DHX32: variants seen among roughly 807,000 people sequenced by gnomAD.
DHX32 encodes the protein DEAH-box helicase 32 (putative), also known as putative pre-mRNA-splicing factor ATP-dependent RNA helicase DHX32.
In DHX32, 51 loss-of-function variants were observed where a neutral mutation model predicts 70.0. That is an observed-to-expected ratio of 0.73 (90% confidence interval 0.58 to 0.92). The LOEUF is 0.92. Among genes scored for constraint, DHX32 ranks in the 40% least tolerant of loss-of-function variants. The pLI is 0.00. For synonymous variants in DHX32, 310 were observed against 315.3 expected (o/e 0.98, Z 0.18); for missense variants, 762 against 891.8 (o/e 0.85, Z 1.85).
chr10:125,855,237 GAAATT>G (rs1448279204), intron 3 of DHX32, among the ~76,000 whole-genome samples: 2 of 147,436 alleles, frequency 1.4e-5, no homozygotes, highest in Admixed American at 6.8e-5. Flanking sequence ...AAAAAAAAAA[GAAATT>G]AAAAGGAAAA....
intron 1 of DHX32, among the ~76,000 whole-genome samples, chr10:125,872,137 C>T (rs984367835): frequency 6.6e-6 from 1 of 152,192 alleles, no homozygotes; most frequent in Non-Finnish European, 1.5e-5. Context: ...GCTGGGATTA[C>T]AGGTGTGAGC....
At chr10:125,845,112 G>C (rs1477761486) in intron 6 of DHX32, among the ~76,000 whole-genome samples, 1 of 152,212 alleles carries the variant, frequency 6.6e-6, no homozygotes, top group Non-Finnish European at 1.5e-5. Flanking sequence ...CTAACTCCAA[G>C]CTGAGCACAG....
At chr10:125,874,600 G>C (rs1157790399) in intron 1 of DHX32, among the ~76,000 whole-genome samples, 1 of 152,172 alleles carries the variant, frequency 6.6e-6, no homozygotes, top group Non-Finnish European at 1.5e-5. Context: ...TTGTTCTTTT[G>C]AGTATCTTTA....
chr10:125,843,405 T>C (rs1854934143), intron 6 of DHX32, among the ~76,000 whole-genome samples: 1 of 152,006 alleles, frequency 6.6e-6, no homozygotes, highest in South Asian at 2.1e-4. Context: ...GGTCAGGAGA[T>C]TGAGACCATC....
At position 125,853,139 on chromosome 10, in the gene DHX32, C is replaced by T. The variant is rs148905052; in HGVS notation, c.1093-497G>A. 2.5e-6 allele frequency: 4 copies of T among 1,609,278 alleles called. No individual in the cohort carries two copies. In the East Asian group the frequency reaches 6.7e-5, roughly 27 times the overall value. On this transcript the variant is annotated intron_variant, in intron 4 of 10. Coordinates refer to ENST00000284690, the MANE Select transcript of DHX32 (RefSeq NM_018180.3). ...TTTCCTTACAGGTGGTTCACGGGGG[C>T]AAGTGACAGCCCTGGTTTCTCTGAA...
intron 3 of DHX32, among the ~76,000 whole-genome samples, chr10:125,856,664 G>A (rs1310776957): frequency 6.6e-6 from 1 of 152,150 alleles, no homozygotes; most frequent in Non-Finnish European, 1.5e-5. Context: ...AAAATGGCAG[G>A]GCTGGGTGCA....
At chr10:125,867,247 T>C in intron 1 of DHX32, 64 bp from the exon 2 acceptor site, 1 of 1,377,098 alleles carries the variant, frequency 7.3e-7, no homozygotes, top group Non-Finnish European at 9.9e-7. Context: ...GACATCTCTG[T>C]CTTACAGCAG....
chr10:125,875,055 T>TA (rs903477159), intron 1 of DHX32, among the ~76,000 whole-genome samples: 2 of 151,742 alleles, frequency 1.3e-5, no homozygotes, highest in Non-Finnish European at 2.9e-5. Flanking sequence ...CCCGTCTCTA[T>TA]AAAAAATACA....
At position 125,866,596 on chromosome 10, in the gene DHX32, A is replaced by G. The variant is rs1038225500; in HGVS notation, c.476+394T>C. ...GAACTAGCCGGGCCCGGACATGCTG[A>G]GCACAGGGAGGGGCAGGTGTACAGG... On this transcript the variant is annotated intron_variant, in intron 2 of 10. Transcript: ENST00000284690. This position sits in a 1 kb window ranked among gnomAD's most constrained non-coding sequence, Gnocchi z 4.8. 1.3e-5 allele frequency among the ~76,000 whole-genome samples: 2 copies of G among 152,180 alleles called. No individual in the cohort carries two copies. The highest frequency in any genetic ancestry group is 2.9e-5 in the Non-Finnish European group (2 of 68,032).
At chr10:125,893,718 A>T (rs1944385259) in intron 1 of DHX32, among the ~76,000 whole-genome samples, 1 of 152,282 alleles carries the variant, frequency 6.6e-6, no homozygotes, top group South Asian at 2.1e-4. Context: ...AAAGTATCAG[A>T]TAGAGAAAAA....
At chr10:125,865,306 T>C (rs940152797) in intron 2 of DHX32, among the ~76,000 whole-genome samples, 3 of 152,184 alleles carry the variant, frequency 2.0e-5, no homozygotes, top group African/African-American at 7.2e-5. Context: ...ACCACTCACG[T>C]ACAATTTACA....
chr10:125,842,926 C>T (rs1854921364), intron 6 of DHX32: 2 of 372,358 alleles, frequency 5.4e-6, no homozygotes, highest in South Asian at 1.1e-4. Flanking sequence ...AATATATTCT[C>T]TTTGTGGAAT....
chr10:125,849,518 C>T (rs923933756), intron 6 of DHX32, among the ~76,000 whole-genome samples: 1 of 152,186 alleles, frequency 6.6e-6, no homozygotes, highest in African/African-American at 2.4e-5. Context: ...TTTGTGTAGC[C>T]TTTAAACAGA....
Position 125,859,714 on chromosome 10 carries a change from C to A in DHX32, c.738G>T (p.Val246=). The change falls in exon 3 of 11, where the codon GTG becomes GTT. Residue 246 remains valine (V), a synonymous_variant. Transcript: ENST00000284690. ...AATCCTTTTGAGCCTCACTAAGGTA[C>A]ACAACCTCCACAGGGTGTTTATTTT... ...EVKNKHPVEV[V]YLSEAQKDSF... is the part of the protein sequence containing the mutation. 1 of 1,614,072 alleles carries A rather than the reference C, an allele frequency of 6.2e-7. No individual in the cohort carries two copies. The highest frequency in any genetic ancestry group is 8.5e-7 in the Non-Finnish European group (1 of 1,180,010).
chr10:125,853,931 A>T (rs779378261), intron 4 of DHX32, 30 bp downstream of exon 4: 2 of 1,597,220 alleles, frequency 1.3e-6, no homozygotes, highest in Non-Finnish European at 1.7e-6. Flanking sequence ...AACGATCAGC[A>T]GTCTGTTTAG....
intron 2 of DHX32, among the ~76,000 whole-genome samples, chr10:125,864,921 C>G: frequency 1.3e-5 from 1 of 77,478 alleles, no homozygotes; most frequent in Non-Finnish European, 2.3e-5. Context: ...CAGAGTGGGA[C>G]TCTGTCTCAA....
intron 1 of DHX32, among the ~76,000 whole-genome samples, chr10:125,888,103 T>C (rs1944349760): frequency 1.3e-5 from 2 of 152,298 alleles, no homozygotes; most frequent in South Asian, 4.1e-4. Flanking sequence ...CTATATAATA[T>C]ACATATTTAT....
intron 1 of DHX32, among the ~76,000 whole-genome samples, chr10:125,879,058 C>G (rs988325494): frequency 2.8e-5 from 3 of 108,606 alleles, no homozygotes; most frequent in Admixed American, 2.7e-4. Flanking sequence ...GGGTCTTGCT[C>G]TGTTGCCCAG....
rs1317203136 is a variant in DHX32 at position 125,836,410 on chromosome 10, G to C, written c.*277C>G. On this transcript the variant is annotated 3_prime_UTR_variant, in exon 11 of 11. Coordinates refer to ENST00000284690, the MANE Select transcript of DHX32 (RefSeq NM_018180.3). ...GTAGGGTTCTGTCCCATGTGTCTCT[G>C]ACACATTTACAAAATACCAGTTTTT... 2.0e-6 allele frequency: 3 copies of C among 1,477,970 alleles called. No homozygotes were observed. The highest frequency in any genetic ancestry group is 2.7e-6 in the Non-Finnish European group (3 of 1,119,936). 91.6% of individuals were successfully genotyped at this position (1,477,970 alleles called of 1,614,324 possible). A position where few individuals can be genotyped will look rare whatever the true frequency, so the allele number is the denominator to read the frequency against.
Sources: gnomAD v4.1 joint callset for allele counts (sites outside exome capture counted in the v4.1 genomes callset) on GRCh38, gnomAD v4.1.1 for gene constraint, Gnocchi (gnomAD v3.1) non-coding constraint, MANE v1.5 for transcripts, NCBI Gene and HGNC (gene_info 2026-07-23, HGNC 2026-07-21) for gene names.